Variants in SFMBT1 observed in about 807,000 individuals in gnomAD.
The protein encoded by SFMBT1 is Scm like with four mbt domains 1.
A neutral mutation model predicts 108.7 loss-of-function variants in SFMBT1; 32 were observed. The ratio of observed to expected loss-of-function variants is 0.29; its 90% CI spans 0.22 to 0.40. SFMBT1 has a LOEUF of 0.40. Among genes scored for constraint, SFMBT1 ranks in the 10% least tolerant of loss-of-function variants. SFMBT1 has a pLI of 1.00. For synonymous variants in SFMBT1, 348 were observed against 369.5 expected (o/e 0.94, Z 0.67); for missense variants, 816 against 1,059.6 (o/e 0.77, Z 3.19).
intron 1 of SFMBT1, among the ~76,000 whole-genome samples, chr3:52,974,151 G>C (rs1704438333): frequency 6.6e-6 from 1 of 152,066 alleles, no homozygotes; most frequent in Non-Finnish European, 1.5e-5. Flanking sequence ...TCGGTGGCTG[G>C]AAAAACAAAA....
At chr3:52,952,399 C>G (rs1182600373) in intron 3 of SFMBT1, among the ~76,000 whole-genome samples, 1 of 152,202 alleles carries the variant, frequency 6.6e-6, no homozygotes, top group Non-Finnish European at 1.5e-5. Flanking sequence ...CTGAACATTG[C>G]TATGGGCTAA....
chr3:52,933,191 C>A lies in SFMBT1; in HGVS notation c.454-883G>T, dbSNP rs186579692. Among the ~76,000 whole-genome samples the A allele has an allele frequency of 7.9e-5, 12 of 152,272 alleles. 1 individual carries two copies. Among genetic ancestry groups the A allele is most frequent in the African/African-American group, 1.9e-4 (8 of 41,560 alleles). Reference sequence around the variant, plus strand: ...TCATAGGTATCTTTCTATAATAGCACATATAACTCTTCCTCATGTTTTATA... The same window carrying A: ...TCATAGGTATCTTTCTATAATAGCAAATATAACTCTTCCTCATGTTTTATA... On this transcript the variant is annotated intron_variant, in intron 5 of 20. Coordinates refer to ENST00000394752, the MANE Select transcript of SFMBT1 (RefSeq NM_016329.4).
chr3:53,007,674 T>C (rs1698794490), intron 1 of SFMBT1, among the ~76,000 whole-genome samples: 1 of 152,224 alleles, frequency 6.6e-6, no homozygotes, highest in Non-Finnish European at 1.5e-5. Flanking sequence ...CATGAGTTCA[T>C]ATTGATATAA....
At chr3:52,971,739 C>T (rs1277712250) in intron 1 of SFMBT1, among the ~76,000 whole-genome samples, 2 of 152,124 alleles carry the variant, frequency 1.3e-5, no homozygotes, top group Non-Finnish European at 2.9e-5. Context: ...AATATAAAGG[C>T]AGGTCTAACC....
chr3:52,926,800 T>A (rs1702672083), intron 9 of SFMBT1, among the ~76,000 whole-genome samples: 1 of 152,152 alleles, frequency 6.6e-6, no homozygotes. Context: ...AACTGCCTAC[T>A]GTGTCTGAGT....
At chr3:52,949,900 G>A (rs1703514145) in intron 3 of SFMBT1, among the ~76,000 whole-genome samples, 1 of 152,080 alleles carries the variant, frequency 6.6e-6, no homozygotes, top group African/African-American at 2.4e-5. Flanking sequence ...AGCTCTGTCT[G>A]ACATTAATAC....
chr3:52,964,280 G>A (rs997869590), intron 2 of SFMBT1, among the ~76,000 whole-genome samples: 2 of 152,232 alleles, frequency 1.3e-5, no homozygotes, highest in African/African-American at 2.4e-5. Context: ...GGAGGCTGAG[G>A]CAGGAAGATC....
intron 9 of SFMBT1, 127 bp from the exon 10 acceptor site, chr3:52,926,240 AG>A (rs34584015): frequency 0.71 from 501,983 of 710,946 alleles, 180,294 homozygotes; most frequent in Middle Eastern, 0.75. Flanking sequence ...ATCATTTTAG[AG>A]GGGCGAAAAG....
intron 12 of SFMBT1, among the ~76,000 whole-genome samples, 174 bp from the exon 13 acceptor site, chr3:52,918,700 T>C (rs1702431040): frequency 6.6e-6 from 1 of 152,040 alleles, no homozygotes; most frequent in South Asian, 2.1e-4. Flanking sequence ...TATAAATTAA[T>C]GCTTATGTCT....
At chr3:52,953,260 G>A (rs1016632027) in intron 3 of SFMBT1, among the ~76,000 whole-genome samples, 1 of 152,132 alleles carries the variant, frequency 6.6e-6, no homozygotes, top group South Asian at 2.1e-4. Flanking sequence ...AAGCCCAGGA[G>A]TTTAAGACTG....
chr3:52,955,443 A>T (rs1035242222), intron 2 of SFMBT1, among the ~76,000 whole-genome samples: 4 of 151,708 alleles, frequency 2.6e-5, no homozygotes, highest in Non-Finnish European at 5.9e-5. Context: ...ATAAATAATA[A>T]AATAGAACAC....
intron 1 of SFMBT1, among the ~76,000 whole-genome samples, chr3:52,982,564 A>T (rs1704749684): frequency 6.6e-6 from 1 of 151,946 alleles, no homozygotes; most frequent in Admixed American, 6.6e-5. Flanking sequence ...CGTCGTCTCT[A>T]TTAAAAATAC....
intron 1 of SFMBT1, among the ~76,000 whole-genome samples, chr3:53,038,924 A>C (rs1002537338): frequency 6.6e-6 from 1 of 152,186 alleles, no homozygotes; most frequent in Non-Finnish European, 1.5e-5. Context: ...TTTTTGGTTA[A>C]CTGTTCTGGA....
intron 20 of SFMBT1, among the ~76,000 whole-genome samples, chr3:52,905,625 G>A (rs1490126241): frequency 6.6e-6 from 1 of 152,122 alleles, no homozygotes; most frequent in Non-Finnish European, 1.5e-5. Flanking sequence ...TGAAACAAAG[G>A]ATTAACTATC....
At chr3:52,965,760 A>C (rs1052178859) in intron 2 of SFMBT1, among the ~76,000 whole-genome samples, 19 of 152,100 alleles carry the variant, frequency 1.2e-4, no homozygotes, top group African/African-American at 4.6e-4. Flanking sequence ...TAATCCTAGC[A>C]CTTTGGGAGG....
intron 17 of SFMBT1, among the ~76,000 whole-genome samples, chr3:52,910,708 C>T (rs9865248): frequency 0.54 from 81,811 of 151,946 alleles, 23,051 homozygotes; most frequent in Middle Eastern, 0.63. Flanking sequence ...AGACTGGTCT[C>T]GAACTCCTGA....
chr3:52,907,114 G>T lies in SFMBT1; in HGVS notation c.2286C>A (p.Arg762=). ...TTTCATCGTCAGAAAATGAAAAGGT[G>T]CGAAGCTCCCTTTTTCTCCTTTGTC... ...PDRQRRKREL[R]TFSFSDDENK... is the part of the protein sequence containing the mutation. Residue 762 remains arginine (R), a synonymous_variant, in exon 19 of 21, where the codon CGC becomes CGA. Transcript: ENST00000394752. 8 of 1,614,166 alleles carry T rather than the reference G, an allele frequency of 5.0e-6. No individual in the cohort carries two copies. Among genetic ancestry groups the T allele is most frequent in the Non-Finnish European group, 6.8e-6 (8 of 1,180,016 alleles).
intron 17 of SFMBT1, among the ~76,000 whole-genome samples, chr3:52,908,351 C>A (rs1421008614): frequency 2.0e-5 from 3 of 151,856 alleles, no homozygotes; most frequent in African/African-American, 4.8e-5. Context: ...GGATTACAGG[C>A]ATGAGCCACC....
Position 52,921,712 on chromosome 3 carries a change from C to A in SFMBT1, c.1251G>T (p.Gln417His), listed in dbSNP as rs756631344. 6.2e-7 allele frequency: 1 copy of A among 1,614,088 alleles called. No homozygotes were observed. The change falls in exon 11 of 21, where the codon CAG (glutamine) becomes CAT (histidine). Residue 417 changes from glutamine (Q) to histidine (H), a missense_variant. This residue lies in a region of SFMBT1 where 495 missense variants were observed against 607.4 expected (regional missense o/e 0.81). Transcript: ENST00000394752. ...TAVRGSYLWLQLEGSKKPIPE... is the reference protein window; with the variant it reads ...TAVRGSYLWLHLEGSKKPIPE... ...TAGAGTGCTGGCACTCACCCTCCAG[C>A]TGGAGCCACAGGTAGGAGCCTCTCA...
Sources: gnomAD v4.1 joint callset for allele counts (sites outside exome capture counted in the v4.1 genomes callset) on GRCh38, gnomAD v4.1.1 for gene constraint, gnomAD v4.1.1 regional missense constraint, MANE v1.5 for transcripts, NCBI Gene and HGNC (gene_info 2026-07-23, HGNC 2026-07-21) for gene names.